Variants in VSX1 observed in about 807,000 individuals in gnomAD.
The protein encoded by VSX1 is homeodomain protein RINX.
Under a neutral mutation model 23.6 loss-of-function variants are expected in VSX1, and 23 were observed. The observed-to-expected ratio is 0.97, with a 90% CI of 0.70 to 1.38. The LOEUF (loss-of-function observed/expected upper bound fraction) is 1.38. Ranked by LOEUF, VSX1 falls within the 40% of genes most tolerant of loss-of-function variation. The pLI is 0.00. For missense variants in VSX1, 517 were observed against 495.4 expected (o/e 1.04, Z -0.41); for synonymous variants, 247 against 215.1 (o/e 1.15, Z -1.30).
At chr20:25,079,541 C>A (rs761145506) in intron 1 of VSX1, 27 bp from the exon 2 acceptor site, 2 of 1,596,268 alleles carry the variant, frequency 1.3e-6, no homozygotes, top group Non-Finnish European at 1.7e-6. Flanking sequence ...AAGAAGAGGA[C>A]TTTAAGGGTG....
At chr20:25,080,237 G>A (rs960971812) in intron 1 of VSX1, among the ~76,000 whole-genome samples, 1 of 152,192 alleles carries the variant, frequency 6.6e-6, no homozygotes, top group Non-Finnish European at 1.5e-5. Context: ...AGGCATAATT[G>A]CCTCAAAATA....
chr20:25,071,518 G>A, downstream of VSX1: 1 of 456,102 alleles, frequency 2.2e-6, no homozygotes, highest in Non-Finnish European at 4.4e-6. Context: ...TTGGGTTGAG[G>A]AAGTCCAGAA....
At chr20:25,071,385 T>C (rs749558276), downstream of VSX1, 3 of 453,786 alleles carry the variant, frequency 6.6e-6, no homozygotes, top group Non-Finnish European at 4.4e-6. Context: ...GGTGGGAGGA[T>C]CACTTCAGCC....
At chr20:25,071,602 T>G (rs1170724963), downstream of VSX1, 1 of 509,466 alleles carries the variant, frequency 2.0e-6, no homozygotes, top group East Asian at 5.2e-5. Context: ...TTCCGAGTGA[T>G]AGACAAAGCC....
At chr20:25,077,222 A>G (rs1038586099) in intron 4 of VSX1, among the ~76,000 whole-genome samples, 2 of 152,158 alleles carry the variant, frequency 1.3e-5, no homozygotes, top group Non-Finnish European at 1.5e-5. Flanking sequence ...GGGACAGAAA[A>G]GCCACTCGGC....
chr20:25,071,358 G>C (rs1472896036), downstream of VSX1: 4 of 453,834 alleles, frequency 8.8e-6, no homozygotes, highest in Non-Finnish European at 1.8e-5. Context: ...TGTAATCCTA[G>C]CAACATAGGA....
chr20:25,081,767 C>T lies in VSX1; in HGVS notation c.330G>A (p.Pro110=), dbSNP rs749401298. 6.0e-6 allele frequency: 9 copies of T among 1,499,302 alleles called. No homozygotes were observed. Among genetic ancestry groups the T allele is most frequent in the Middle Eastern group, 2.4e-4 (1 of 4,228 alleles). 92.9% of individuals were successfully genotyped at this position (1,499,302 alleles called of 1,614,324 possible). A position where few individuals can be genotyped will look rare whatever the true frequency, so the allele number is the denominator to read the frequency against. Residue 110 remains proline, a synonymous_variant, in exon 1 of 5, where the codon CCG becomes CCA. Coordinates refer to ENST00000376709, the MANE Select transcript of VSX1 (RefSeq NM_014588.6). Reference sequence around the variant, plus strand: ...GGGCAGCGGGCTCGGGGCCCCTGGGCGGCAGGAACGGCACGTCCGCTAGGA... The same window carrying T: ...GGGCAGCGGGCTCGGGGCCCCTGGGTGGCAGGAACGGCACGTCCGCTAGGA... ...CLLLADVPFL[P]PRGPEPAAPL...
chr20:25,073,120 C>A (rs1328269621), downstream of VSX1, among the ~76,000 whole-genome samples: 3 of 152,176 alleles, frequency 2.0e-5, no homozygotes, highest in Non-Finnish European at 4.4e-5. Context: ...GCAGGAGTCA[C>A]TGGCAAGATG....
At chr20:25,071,679 T>C, downstream of VSX1, 1 of 627,708 alleles carries the variant, frequency 1.6e-6, no homozygotes, top group Non-Finnish European at 3.0e-6. Context: ...CTAGCTGTCA[T>C]GACTGCAGGT....
downstream of VSX1, chr20:25,071,701 A>G: frequency 1.5e-6 from 1 of 657,696 alleles, no homozygotes. Flanking sequence ...TATTCTCATC[A>G]GCTGGTAATA....
downstream of VSX1, among the ~76,000 whole-genome samples, chr20:25,073,773 C>A (rs1413708464): frequency 1.3e-5 from 2 of 152,196 alleles, no homozygotes; most frequent in Non-Finnish European, 2.9e-5. Flanking sequence ...CTTGCAGGGA[C>A]AAGCTTGAGT....
intron 3 of VSX1, 158 bp downstream of exon 3, chr20:25,078,671 G>A (rs1482334462): frequency 6.3e-7 from 1 of 1,597,090 alleles, no homozygotes; most frequent in Non-Finnish European, 8.6e-7. Flanking sequence ...AGGGTCATAG[G>A]GGCAAGCTCT....
At chr20:25,081,596 G>C in intron 1 of VSX1, 77 bp downstream of exon 1, 2 of 1,549,144 alleles carry the variant, frequency 1.3e-6, no homozygotes, top group Non-Finnish European at 1.7e-6. Flanking sequence ...GGGTGCGGTG[G>C]GGCGATGGTC....
intron 3 of VSX1, among the ~76,000 whole-genome samples, chr20:25,078,269 T>C (rs988184447): frequency 1.3e-5 from 2 of 152,246 alleles, no homozygotes; most frequent in Non-Finnish European, 2.9e-5. Context: ...GAGCTTAGGC[T>C]ATTGGGTTGC....
intron 1 of VSX1, among the ~76,000 whole-genome samples, chr20:25,081,063 C>T (rs758959445): frequency 2.2e-4 from 33 of 152,354 alleles, no homozygotes; most frequent in Middle Eastern, 6.8e-3. Context: ...GAACACATCT[C>T]TAGGCGTAAC....
chr20:25,075,145 G>A (rs1278328774), downstream of VSX1, among the ~76,000 whole-genome samples: 1 of 152,218 alleles, frequency 6.6e-6, no homozygotes, highest in Non-Finnish European at 1.5e-5. Flanking sequence ...TAGCCTGACA[G>A]ATCACTGGGC....
downstream of VSX1, chr20:25,071,078 T>C (rs1380682737): frequency 2.2e-6 from 1 of 453,732 alleles, no homozygotes; most frequent in African/African-American, 2.0e-5. Flanking sequence ...AAAGCCCGGG[T>C]TGAGATCAGG....
At chr20:25,073,645 G>A (rs1052849840), downstream of VSX1, among the ~76,000 whole-genome samples, 5 of 152,236 alleles carry the variant, frequency 3.3e-5, no homozygotes, top group African/African-American at 1.2e-4. Flanking sequence ...GTGACATGCA[G>A]TGCTGACCAA....
chr20:25,076,560 AAAAAAATAAAAAGG>A lies in VSX1; in HGVS notation c.809-24_809-11del. ...GATTTTTTATGCATCCCTTGTAAAAAAAAAAATAAAAAGGAAAAAATAAAAATAAAAATTTAAAT... is the reference window on the plus strand; with the variant it reads ...GATTTTTTATGCATCCCTTGTAAAAAAAAAAATAAAAATAAAAATTTAAAT... On this transcript the variant is annotated splice_polypyrimidine_tract_variant and intron_variant, in intron 4 of 4. Coordinates refer to ENST00000376709, the MANE Select transcript of VSX1 (RefSeq NM_014588.6). 2 of 1,586,656 alleles carry A rather than the reference AAAAAAATAAAAAGG, an allele frequency of 1.3e-6. No individual in the cohort carries two copies. Among genetic ancestry groups the A allele is most frequent in the Middle Eastern group, 1.7e-4 (1 of 5,876 alleles).
Sources: gnomAD v4.1 joint callset for allele counts (sites outside exome capture counted in the v4.1 genomes callset) on GRCh38, gnomAD v4.1.1 for gene constraint, MANE v1.5 for transcripts, NCBI Gene and HGNC (gene_info 2026-07-23, HGNC 2026-07-21) for gene names.